CCDC7: variants seen among roughly 807,000 people sequenced by gnomAD.
The protein encoded by CCDC7 is coiled-coil domain-containing protein 7.
CCDC7 carries 183 observed loss-of-function variants against 196.9 expected under a neutral mutation model. The observed-to-expected ratio is 0.93, with a 90% CI of 0.82 to 1.05. CCDC7 has a LOEUF of 1.05. CCDC7 is among the 50% of genes least tolerant of loss of function. The pLI is 0.00. For missense variants in CCDC7, 1,540 were observed against 1,482.2 expected (o/e 1.04, Z -0.64); for synonymous variants, 525 against 484.6 (o/e 1.08, Z -1.10).
At chr10:32,597,145 G>A (rs891229090) in intron 18 of CCDC7, among the ~76,000 whole-genome samples, 6 of 152,192 alleles carry the variant, frequency 3.9e-5, no homozygotes, top group East Asian at 1.9e-4. Context: ...CATTCTCCCT[G>A]TTACTTTCAG....
intron 8 of CCDC7, among the ~76,000 whole-genome samples, chr10:32,490,024 T>C (rs1252390127): frequency 1.3e-5 from 2 of 152,116 alleles, no homozygotes; most frequent in Admixed American, 6.5e-5. Flanking sequence ...GAGCTGTCAG[T>C]GTTCTCTGTA....
At chr10:32,693,915 G>C (rs1762522) in intron 23 of CCDC7, among the ~76,000 whole-genome samples, 140,539 of 152,210 alleles carry the variant, frequency 0.92, 65,873 homozygotes, top group East Asian at 1. Context: ...GTTCCAACCA[G>C]CTGCAACCCT....
intron 28 of CCDC7, among the ~76,000 whole-genome samples, chr10:32,755,548 A>C (rs763871710): frequency 6.6e-6 from 1 of 152,166 alleles, no homozygotes; most frequent in Non-Finnish European, 1.5e-5. Context: ...CTTGACTGTT[A>C]GAAGGAAAAC....
chr10:32,474,088 T>C, intron 8 of CCDC7, 65 bp downstream of exon 9: 1 of 1,533,034 alleles, frequency 6.5e-7, no homozygotes. Flanking sequence ...TTCTATAAAG[T>C]AATAATTATT....
intron 29 of CCDC7, among the ~76,000 whole-genome samples, chr10:32,797,813 G>A (rs1191800213): frequency 6.6e-6 from 1 of 152,030 alleles, no homozygotes; most frequent in African/African-American, 2.4e-5. Context: ...CCACAAACTG[G>A]GTGTTGATTC....
intron 9 of CCDC7, among the ~76,000 whole-genome samples, chr10:32,505,166 A>ATTTT (rs1412362598): frequency 1.4e-5 from 2 of 142,684 alleles, no homozygotes; most frequent in Non-Finnish European, 3.1e-5. Context: ...TGCCCAGCTA[A>ATTTT]TTTTTATTTA....
intron 13 of CCDC7, among the ~76,000 whole-genome samples, chr10:32,560,753 A>G (rs1364483212): frequency 7.2e-6 from 1 of 139,778 alleles, no homozygotes; most frequent in Non-Finnish European, 1.6e-5. Flanking sequence ...CTAGGAAGAA[A>G]CTGCATCAAC....
intron 5 of CCDC7, among the ~76,000 whole-genome samples, chr10:32,468,263 G>C (rs1209093291): frequency 6.6e-6 from 1 of 152,104 alleles, no homozygotes; most frequent in Non-Finnish European, 1.5e-5. Flanking sequence ...TGATTTCTTT[G>C]AGCAGTGTTT....
At chr10:32,799,985 G>A (rs2084441200) in intron 29 of CCDC7, among the ~76,000 whole-genome samples, 1 of 152,220 alleles carries the variant, frequency 6.6e-6, no homozygotes, top group African/African-American at 2.4e-5. Context: ...TGGAGCAAAA[G>A]GCATTTGCCA....
chr10:32,608,257 C>CT (rs2061735060), intron 18 of CCDC7, among the ~76,000 whole-genome samples: 1 of 151,962 alleles, frequency 6.6e-6, no homozygotes, highest in African/African-American at 2.4e-5. Context: ...AAATCCAACT[C>CT]TTTTTTTGTC....
At chr10:32,501,970 C>G (rs2134980948) in intron 9 of CCDC7, among the ~76,000 whole-genome samples, 2 of 152,302 alleles carry the variant, frequency 1.3e-5, no homozygotes, top group East Asian at 3.9e-4. Context: ...TGCTCTGTCC[C>G]AGGGAGCTGC....
chr10:32,597,245 A>T (rs570952150), intron 18 of CCDC7, among the ~76,000 whole-genome samples: 1 of 151,898 alleles, frequency 6.6e-6, no homozygotes, highest in South Asian at 2.1e-4. Context: ...TTTTTCTCTA[A>T]ACTTCTTGCT....
At chr10:32,802,795 T>C (rs975058876) in intron 29 of CCDC7, among the ~76,000 whole-genome samples, 14 of 152,182 alleles carry the variant, frequency 9.2e-5, no homozygotes, top group African/African-American at 3.4e-4. Flanking sequence ...AGTCTGGTGT[T>C]GAAGGGCAGG....
intron 20 of CCDC7, among the ~76,000 whole-genome samples, chr10:32,658,820 A>G (rs1013799700): frequency 7.2e-5 from 11 of 152,144 alleles, no homozygotes; most frequent in African/African-American, 2.7e-4. Context: ...TTTGTTCTAG[A>G]TTATTCAATT....
At chr10:32,655,392 T>C (rs764533366) in intron 20 of CCDC7, among the ~76,000 whole-genome samples, 3 of 152,052 alleles carry the variant, frequency 2.0e-5, no homozygotes, top group Non-Finnish European at 4.4e-5. Flanking sequence ...CCATTTGTTA[T>C]CTTTTGCGTT....
intron 32 of CCDC7, among the ~76,000 whole-genome samples, chr10:32,827,168 C>A (rs2091250027): frequency 6.6e-6 from 1 of 152,196 alleles, no homozygotes; most frequent in Non-Finnish European, 1.5e-5. Flanking sequence ...GCCCAATGGG[C>A]CCATGAACAA....
intron 25 of CCDC7, among the ~76,000 whole-genome samples, chr10:32,713,387 C>T (rs572244882): frequency 2.8e-4 from 43 of 152,308 alleles, no homozygotes; most frequent in Non-Finnish European, 4.9e-4. Context: ...AGGTGTAGGT[C>T]CTCAGTTCCC....
At chr10:32,526,648 C>T (rs1208508537) in intron 11 of CCDC7, among the ~76,000 whole-genome samples, 2 of 152,012 alleles carry the variant, frequency 1.3e-5, no homozygotes, top group African/African-American at 4.8e-5. Context: ...GTACTGGGTC[C>T]TTCACTTCAA....
chr10:32,660,715 G>A (rs1176992377), intron 20 of CCDC7, among the ~76,000 whole-genome samples: 2 of 152,250 alleles, frequency 1.3e-5, no homozygotes, highest in East Asian at 3.9e-4. Context: ...AGAAAAACAA[G>A]CAATGGGGAA....
Sources: gnomAD v4.1 joint callset for allele counts (sites outside exome capture counted in the v4.1 genomes callset) on GRCh38, gnomAD v4.1.1 for gene constraint, MANE v1.5 for transcripts, NCBI Gene and HGNC (gene_info 2026-07-23, HGNC 2026-07-21) for gene names.